MEGF10: variants seen among roughly 807,000 people sequenced by gnomAD.
MEGF10 encodes multiple epidermal growth factor-like domains protein 10.
MEGF10 carries 86 observed loss-of-function variants against 147.5 expected under a neutral mutation model. The ratio of observed to expected loss-of-function variants is 0.58; its 90% confidence interval spans 0.49 to 0.70. The LOEUF is 0.70. Among genes scored for constraint, MEGF10 ranks in the 30% least tolerant of loss-of-function variants. MEGF10 has a pLI of 0.00. For synonymous variants in MEGF10, 478 were observed against 525.5 expected (o/e 0.91, Z 1.24); for missense variants, 1,329 against 1,487.3 (o/e 0.89, Z 1.75).
At chr5:127,263,900 C>G in the MEGF10 span, among the ~76,000 whole-genome samples, 1 of 152,080 alleles carries the variant, frequency 6.6e-6, no homozygotes, top group Non-Finnish European at 1.5e-5. Flanking sequence ...GTGACCAGAG[C>G]CTGCACAATG....
intron 1 of MEGF10, among the ~76,000 whole-genome samples, chr5:127,293,079 G>T (rs4836317): frequency 0.39 from 58,665 of 151,976 alleles, 11,835 homozygotes; most frequent in Middle Eastern, 0.53. Flanking sequence ...CTCCATTTAG[G>T]CATCAGTTTT....
chr5:127,410,367 G>T (rs748732454), intron 8 of MEGF10, 22 bp from the exon 9 acceptor site: 1 of 1,610,048 alleles, frequency 6.2e-7, no homozygotes, highest in Non-Finnish European at 8.5e-7. Context: ...CTTTCTTCTT[G>T]CTCCTGCCTC....
Position 127,413,855 on chromosome 5 carries a change from G to A in MEGF10, c.1130+3254G>A, listed in dbSNP as rs1764662173. Among the ~76,000 whole-genome samples, 9 of 152,120 alleles carry A rather than the reference G, an allele frequency of 5.9e-5. No homozygotes were observed. In the South Asian group the frequency reaches 1.7e-3, roughly 28 times the overall value. On this transcript the variant is annotated intron_variant, in intron 9 of 24. Transcript: ENST00000503335. Reference sequence around the variant, plus strand: ...CAGTGTGCTGCACTAACACTCACTGGGGGGCATTGAATATCAATTTCTCAG... The same window carrying A: ...CAGTGTGCTGCACTAACACTCACTGAGGGGCATTGAATATCAATTTCTCAG...
intron 5 of MEGF10, among the ~76,000 whole-genome samples, chr5:127,380,674 C>A (rs549337563): frequency 3.3e-5 from 5 of 152,188 alleles, no homozygotes; most frequent in Non-Finnish European, 5.9e-5. Flanking sequence ...CCTGTCACCA[C>A]GTCCAGCTAA....
the MEGF10 span, among the ~76,000 whole-genome samples, chr5:127,243,031 A>G: frequency 6.6e-6 from 1 of 152,254 alleles, no homozygotes; most frequent in Non-Finnish European, 1.5e-5. Flanking sequence ...AAACTGAGTT[A>G]TATATTAAAT....
chr5:127,386,133 A>G (rs1379242382), intron 5 of MEGF10, among the ~76,000 whole-genome samples: 1 of 152,172 alleles, frequency 6.6e-6, no homozygotes, highest in African/African-American at 2.4e-5. Flanking sequence ...AAAACAAACA[A>G]TAAAAAACAC....
At chr5:127,417,959 A>G in intron 10 of MEGF10, 147 bp downstream of exon 10, 2 of 817,262 alleles carry the variant, frequency 2.4e-6, no homozygotes, top group Non-Finnish European at 3.7e-6. Context: ...GAGGGGAAAA[A>G]TGCTAATAGA....
At chr5:127,385,610 A>T (rs1207417925) in intron 5 of MEGF10, among the ~76,000 whole-genome samples, 1 of 152,200 alleles carries the variant, frequency 6.6e-6, no homozygotes, top group Non-Finnish European at 1.5e-5. Context: ...AGTGTTAGTT[A>T]TTGCAAACAG....
At chr5:127,260,508 C>G in the MEGF10 span, among the ~76,000 whole-genome samples, 2 of 152,156 alleles carry the variant, frequency 1.3e-5, no homozygotes, top group Non-Finnish European at 2.9e-5. Flanking sequence ...ATTTCTGAAC[C>G]AATTATTAGA....
chr5:127,364,424 C>T (rs947552688), intron 4 of MEGF10, among the ~76,000 whole-genome samples: 9 of 152,154 alleles, frequency 5.9e-5, no homozygotes, highest in Admixed American at 3.3e-4. Flanking sequence ...TTCTACTCTG[C>T]ATTTATTGAG....
the MEGF10 span, among the ~76,000 whole-genome samples, chr5:127,248,320 A>T: frequency 6.6e-6 from 1 of 152,148 alleles, no homozygotes; most frequent in Admixed American, 6.6e-5. Flanking sequence ...GCAACATTTT[A>T]TGTGCAATAG....
At chr5:127,255,835 C>CT in the MEGF10 span, among the ~76,000 whole-genome samples, 7,169 of 152,216 alleles carry the variant, frequency 0.047, 284 homozygotes, top group African/African-American at 0.1. Flanking sequence ...ACACAACCTC[C>CT]TTTTTTGATG....
the MEGF10 span, among the ~76,000 whole-genome samples, chr5:127,252,904 A>AT: frequency 1.5e-4 from 22 of 150,120 alleles, no homozygotes; most frequent in Admixed American, 5.3e-4. Flanking sequence ...AAAGACATGA[A>AT]TTTTTTTTTT....
At chr5:127,252,165 G>T in the MEGF10 span, among the ~76,000 whole-genome samples, 4 of 151,938 alleles carry the variant, frequency 2.6e-5, no homozygotes, top group East Asian at 7.7e-4. Context: ...TACCTTATTG[G>T]TAGGAGGATA....
chr5:127,417,949 G>T (rs1481007430), intron 10 of MEGF10, 137 bp downstream of exon 10: 6 of 913,900 alleles, frequency 6.6e-6, no homozygotes, highest in Non-Finnish European at 9.5e-6. Flanking sequence ...GAGAGAAAAT[G>T]AGGGGAAAAA....
intron 1 of MEGF10, among the ~76,000 whole-genome samples, chr5:127,318,911 T>G (rs1029271518): frequency 6.6e-6 from 1 of 152,214 alleles, no homozygotes; most frequent in Non-Finnish European, 1.5e-5. Flanking sequence ...AAATTGCTAA[T>G]TCCTGAAAAA....
the MEGF10 span, among the ~76,000 whole-genome samples, chr5:127,278,184 G>A: frequency 6.6e-6 from 1 of 152,140 alleles, no homozygotes; most frequent in African/African-American, 2.4e-5. Context: ...AGGTAACACA[G>A]AAGGAGCCAC....
At chr5:127,397,802 G>C (rs568078302) in intron 6 of MEGF10, among the ~76,000 whole-genome samples, 18 of 152,282 alleles carry the variant, frequency 1.2e-4, no homozygotes, top group African/African-American at 4.1e-4. Context: ...AAAGACAAAG[G>C]CTTAAAGAAG....
In MEGF10 at chr5:127,433,380, G is replaced by A. The variant is rs149021647; in HGVS notation, c.1711G>A (p.Val571Met). The A allele has an allele frequency of 1.6e-5, 26 of 1,614,078 alleles. No homozygotes were observed. Among genetic ancestry groups the A allele is most frequent in the Middle Eastern group, 3.3e-4 (2 of 6,084 alleles). Reference sequence around the variant, plus strand: ...TATTTCAGGTGTCCACTGTGACAGCGTGTGTGCTGAGGGACGCTGGGGCCC... The same window carrying A: ...TATTTCAGGTGTCCACTGTGACAGCATGTGTGCTGAGGGACGCTGGGGCCC... ...PGWSGVHCDS[V>M]CAEGRWGPNC... The change falls in exon 14 of 25, where the codon GTG (valine) becomes ATG (methionine). Residue 571 changes from valine (V) to methionine (M), a missense_variant. Transcript: ENST00000503335.
Sources: allele counts gnomAD v4.1 joint callset (sites outside exome capture counted in the v4.1 genomes callset), GRCh38; gene constraint gnomAD v4.1.1; transcripts MANE v1.5; gene names NCBI Gene and HGNC (gene_info 2026-07-23, HGNC 2026-07-21).